Variants in SLC25A28 observed in about 807,000 individuals in gnomAD.
The protein encoded by SLC25A28 is solute carrier family 25 member 28, also known as mitoferrin-2.
In SLC25A28, 10 loss-of-function variants were observed where a neutral mutation model predicts 31.9. The ratio of observed to expected loss-of-function variants is 0.31; its 90% CI spans 0.19 to 0.53. SLC25A28 has a LOEUF of 0.53. SLC25A28 is among the 20% of genes least tolerant of loss of function. SLC25A28 has a pLI of 0.95. For synonymous variants in SLC25A28, 208 were observed against 203.6 expected (o/e 1.02, Z -0.19); for missense variants, 256 against 490.3 (o/e 0.52, Z 4.51).
chr10:99,622,560 G>A (rs2034816782), upstream of SLC25A28: 1 of 738,352 alleles, frequency 1.4e-6, no homozygotes, highest in African/African-American at 1.9e-5. Context: ...GGTCATAAAT[G>A]ACCTTTCCAA....
rs1225396443 is a variant in SLC25A28 at position 99,618,493 on chromosome 10, CATT to C, written c.291+1549_291+1551del. ...ATTATATTAACTTTTGGATATACGG[CATT>C]ATTAACTCACAAGTCATTCAACCTA... On this transcript the variant is annotated intron_variant, in intron 1 of 3. Transcript: ENST00000370495. The C allele has an allele frequency of 7.1e-6, 7 of 985,264 alleles. No individual in the cohort carries two copies. The African/African-American group carries it at 1.2e-4, about 17-fold the overall frequency. The allele number at this position is 985,264 out of a possible 1,614,324, so 61.0% of individuals were successfully genotyped here.
At chr10:99,649,392 G>T in the SLC25A28 span, among the ~76,000 whole-genome samples, 1 of 152,064 alleles carries the variant, frequency 6.6e-6, no homozygotes, top group South Asian at 2.1e-4. Flanking sequence ...TGTTCATCAG[G>T]GATACTGGTC....
chr10:99,647,950 G>C, the SLC25A28 span, among the ~76,000 whole-genome samples: 2,214 of 151,924 alleles, frequency 0.015, 60 homozygotes, highest in African/African-American at 0.05. Flanking sequence ...GCTTGTCAAA[G>C]GTCAGTTTGT....
chr10:99,641,764 C>T, the SLC25A28 span, among the ~76,000 whole-genome samples: 1 of 152,164 alleles, frequency 6.6e-6, no homozygotes, highest in Non-Finnish European at 1.5e-5. Flanking sequence ...GGAAGGGATC[C>T]AGTTTCAGCT....
At chr10:99,620,852 C>T, upstream of SLC25A28, 1 of 985,492 alleles carries the variant, frequency 1.0e-6, no homozygotes, top group South Asian at 4.7e-5. Context: ...CTCACTAGCG[C>T]CTGCAGAGCT....
chr10:99,655,719 T>A, the SLC25A28 span, among the ~76,000 whole-genome samples: 6 of 152,232 alleles, frequency 3.9e-5, no homozygotes, highest in Admixed American at 2.0e-4. Context: ...TTCCCTTTCA[T>A]ATTATTAGCT....
chr10:99,641,527 C>T, the SLC25A28 span, among the ~76,000 whole-genome samples: 2 of 152,134 alleles, frequency 1.3e-5, no homozygotes, highest in Non-Finnish European at 2.9e-5. Flanking sequence ...TGCCTGTTCA[C>T]TCTGATGGTA....
At chr10:99,635,212 C>G in the SLC25A28 span, among the ~76,000 whole-genome samples, 11 of 152,060 alleles carry the variant, frequency 7.2e-5, no homozygotes, top group African/African-American at 2.7e-4. Flanking sequence ...ATAAATCACA[C>G]AGGACCTATG....
At chr10:99,615,497 T>C (rs2133348059) in intron 1 of SLC25A28, 1 of 985,410 alleles carries the variant, frequency 1.0e-6, no homozygotes, top group East Asian at 1.1e-4. Flanking sequence ...CACATTCCTC[T>C]GGTTATTTTC....
In SLC25A28 at chr10:99,619,916, A is replaced by G. The variant is rs1478717976; in HGVS notation, c.291+129T>C. On this transcript the variant is annotated intron_variant, in intron 1 of 3. Transcript: ENST00000370495. ...CTTGAATGGAGTGTCGGTTCGAATC[A>G]TGTGGTAGTGGCAGGAGCCAGGAAG... 7 of 933,490 alleles carry G rather than the reference A, an allele frequency of 7.5e-6. No homozygotes were observed. The East Asian group carries it at 2.3e-4, about 31-fold the overall frequency. The allele number at this position is 933,490 out of a possible 1,614,324, so 57.8% of individuals were successfully genotyped here.
At chr10:99,633,671 G>GA in the SLC25A28 span, among the ~76,000 whole-genome samples, 122,399 of 138,998 alleles carry the variant, frequency 0.88, 53,695 homozygotes, top group Middle Eastern at 0.91. Flanking sequence ...TCTGTCTTAA[G>GA]AAAAAAAAAA....
intron 1 of SLC25A28, 126 bp downstream of exon 1, chr10:99,619,919 T>G (rs2034743619): frequency 4.2e-6 from 4 of 947,162 alleles, no homozygotes; most frequent in Non-Finnish European, 5.8e-6. Flanking sequence ...TCGAATCATG[T>G]GGTAGTGGCA....
chr10:99,624,183 TCTTC>T (rs1002632221), upstream of SLC25A28, among the ~76,000 whole-genome samples: 18 of 151,750 alleles, frequency 1.2e-4, no homozygotes, highest in African/African-American at 2.2e-4. Context: ...TTCCTTTTTT[TCTTC>T]CTTCCTTCTT....
chr10:99,640,114 A>C, the SLC25A28 span, among the ~76,000 whole-genome samples: 19 of 152,374 alleles, frequency 1.2e-4, no homozygotes, highest in African/African-American at 4.6e-4. Flanking sequence ...CAGCCAATGT[A>C]GACATTATTA....
At chr10:99,642,109 C>T in the SLC25A28 span, among the ~76,000 whole-genome samples, 2 of 151,710 alleles carry the variant, frequency 1.3e-5, no homozygotes, top group Non-Finnish European at 1.5e-5. Flanking sequence ...TGAAGAAAGT[C>T]GTTGGTAGCT....
At chr10:99,618,980 C>G (rs1385635932) in intron 1 of SLC25A28, 1 of 985,328 alleles carries the variant, frequency 1.0e-6, no homozygotes, top group Non-Finnish European at 1.2e-6. Flanking sequence ...AAGGAGGCAT[C>G]GGTCTTTGTC....
upstream of SLC25A28, among the ~76,000 whole-genome samples, chr10:99,624,760 G>C (rs1041266046): frequency 6.6e-6 from 1 of 152,086 alleles, no homozygotes; most frequent in African/African-American, 2.4e-5. Context: ...ACTTGAACCC[G>C]GGATGCAGAG....
upstream of SLC25A28, chr10:99,622,538 C>A (rs1477939159): frequency 5.9e-5 from 33 of 561,612 alleles, no homozygotes; most frequent in Non-Finnish European, 7.4e-5. Flanking sequence ...ATTTTTCACT[C>A]TTTTATTCAT....
At chr10:99,638,605 CTT>C in the SLC25A28 span, among the ~76,000 whole-genome samples, 1 of 151,638 alleles carries the variant, frequency 6.6e-6, no homozygotes, top group African/African-American at 2.4e-5. Context: ...AAAAAACAAT[CTT>C]ATCAAAAAGT....
Sources: gnomAD v4.1 joint callset for allele counts (sites outside exome capture counted in the v4.1 genomes callset) on GRCh38, gnomAD v4.1.1 for gene constraint, MANE v1.5 for transcripts, NCBI Gene and HGNC (gene_info 2026-07-23, HGNC 2026-07-21) for gene names.